Variants in PDE12 observed in about 807,000 individuals in gnomAD.
The protein encoded by PDE12 is 2',5'-phosphodiesterase 12.
In PDE12, 26 loss-of-function variants were observed where a neutral mutation model predicts 45.4. That is an observed-to-expected ratio of 0.57 (90% CI 0.42 to 0.79). The LOEUF (loss-of-function observed/expected upper bound fraction) is 0.79, where lower values mean the gene tolerates loss of function less well. PDE12 is among the 30% of genes least tolerant of loss of function. The pLI, the probability that PDE12 is intolerant of heterozygous loss-of-function variation, is 0.00. For synonymous variants in PDE12, 283 were observed against 323.9 expected (o/e 0.87, Z 1.36); for missense variants, 668 against 790.0 (o/e 0.85, Z 1.85).
chr3:57,622,943 C>G, the PDE12 span, among the ~76,000 whole-genome samples: 3 of 152,070 alleles, frequency 2.0e-5, no homozygotes, highest in African/African-American at 4.8e-5. Context: ...TTGGGGGAGA[C>G]AGGAGTGCAA....
In PDE12 at chr3:57,560,417, C is replaced by T. The variant is rs2069716182; in HGVS notation, c.*413C>T. On this transcript the variant is annotated 3_prime_UTR_variant, in exon 3 of 3. Transcript: ENST00000311180. ...CTCGGCTCACTGCAACCTCCGCCCCCTGGGTTTAAGCGATTCTCCTGCCTC... is the reference window on the plus strand; with the variant it reads ...CTCGGCTCACTGCAACCTCCGCCCCTTGGGTTTAAGCGATTCTCCTGCCTC... The T allele has an allele frequency of 1.6e-6, 1 of 608,460 alleles. No homozygotes were observed. Among genetic ancestry groups the T allele is most frequent in the Non-Finnish European group, 2.1e-6 (1 of 481,664 alleles). The allele number at this position is 608,460 out of a possible 1,614,324, so 37.7% of individuals were successfully genotyped here. A position where few individuals can be genotyped will look rare whatever the true frequency, so the allele number is the denominator to read the frequency against.
At chr3:57,600,097 C>T in the PDE12 span, 3 of 151,964 alleles carry the variant, frequency 2.0e-5, no homozygotes, top group African/African-American at 7.3e-5. Flanking sequence ...ACAGTGGCAT[C>T]ATCTCGGCTT....
At chr3:57,646,571 A>C in the PDE12 span, 1 of 1,261,868 alleles carries the variant, frequency 7.9e-7, no homozygotes, top group South Asian at 1.7e-5. Flanking sequence ...CTGATACACA[A>C]ATTCATTTAG....
rs1237037085 is a variant in PDE12 at position 57,560,974 on chromosome 3, G to C, written c.*970G>C. 1.0e-6 allele frequency: 1 copy of C among 975,258 alleles called. No homozygotes were observed. The highest frequency in any genetic ancestry group is 1.2e-6 in the Non-Finnish European group (1 of 820,506). 60.4% of individuals were successfully genotyped at this position (975,258 alleles called of 1,614,324 possible). A position where few individuals can be genotyped will look rare whatever the true frequency, so the allele number is the denominator to read the frequency against. ...CTTTCATTTTTCAATGAACAAGTAA[G>C]GTATTTTCATTCTTATTTTTAGGAT... On this transcript the variant is annotated 3_prime_UTR_variant, in exon 3 of 3. Transcript: ENST00000311180.
chr3:57,580,764 C>T, the PDE12 span, among the ~76,000 whole-genome samples: 2 of 149,528 alleles, frequency 1.3e-5, no homozygotes, highest in South Asian at 2.1e-4. Context: ...GCTAACTTCC[C>T]ATTTTTATTC....
the PDE12 span, among the ~76,000 whole-genome samples, chr3:57,642,732 C>A: frequency 1.3e-5 from 2 of 152,006 alleles, no homozygotes; most frequent in Non-Finnish European, 2.9e-5. Flanking sequence ...CGGCCAGGCG[C>A]GGTGGCTCAC....
At chr3:57,577,356 C>T in the PDE12 span, 49 of 1,613,536 alleles carry the variant, frequency 3.0e-5, no homozygotes, top group East Asian at 2.5e-4. Context: ...AATTCTTTCA[C>T]GATCGTTGCT....
At chr3:57,573,911 T>G in the PDE12 span, among the ~76,000 whole-genome samples, 1 of 151,694 alleles carries the variant, frequency 6.6e-6, no homozygotes, top group Non-Finnish European at 1.5e-5. Context: ...CAGCCTGAGA[T>G]ATCTCAAACA....
downstream of PDE12, among the ~76,000 whole-genome samples, chr3:57,567,622 CTAGTAGAAATATAT>C (rs1331363467): frequency 6.6e-6 from 1 of 152,150 alleles, no homozygotes; most frequent in Non-Finnish European, 1.5e-5. Context: ...CATGTATATA[CTAGTAGAAATATAT>C]TTTCCCTATT....
At chr3:57,639,474 C>G in the PDE12 span, among the ~76,000 whole-genome samples, 1 of 152,162 alleles carries the variant, frequency 6.6e-6, no homozygotes, top group African/African-American at 2.4e-5. Flanking sequence ...CAGTAGTCTA[C>G]TACATTATAA....
chr3:57,641,677 GAAT>G, the PDE12 span: 1 of 1,612,214 alleles, frequency 6.2e-7, no homozygotes, highest in South Asian at 1.1e-5. Context: ...TCTCCTATTC[GAAT>G]AATGTGTGGC....
chr3:57,627,662 T>C, the PDE12 span: 1 of 152,544 alleles, frequency 6.6e-6, no homozygotes, highest in Non-Finnish European at 1.5e-5. Context: ...CTCAACAGAA[T>C]ACCTTATAAA....
At chr3:57,655,135 G>A in the PDE12 span, among the ~76,000 whole-genome samples, 1 of 152,034 alleles carries the variant, frequency 6.6e-6, no homozygotes, top group East Asian at 1.9e-4. Context: ...CTGGGTTCAA[G>A]CAATTCTCCT....
the PDE12 span, among the ~76,000 whole-genome samples, chr3:57,639,541 T>C: frequency 6.6e-6 from 1 of 152,186 alleles, no homozygotes; most frequent in African/African-American, 2.4e-5. Flanking sequence ...AAATTAAGAT[T>C]TAAAAAAATT....
chr3:57,557,667 C>T lies in PDE12; in HGVS notation c.1288C>T (p.Gln430Ter), dbSNP rs1000357232. 6.2e-7 allele frequency: 1 copy of T among 1,613,818 alleles called. No individual in the cohort carries two copies. The highest frequency in any genetic ancestry group is 1.3e-5 in the African/African-American group (1 of 75,040). The stretch of plus-strand genomic sequence containing the variant: ...CCCATCAGCGCAGGAGAAGGTGCTC[C>T]AGAGATCTTCTGTTCTTCAGGTAAA... ...LYPSAQEKVL[Q>*]RSSVLQVSVL... is the part of the protein sequence containing the mutation. Residue 430 changes from glutamine to a stop codon, truncating the protein, a stop_gained, in exon 1 of 3, where the codon CAG (glutamine) becomes TAG (stop). Transcript: ENST00000311180. LOFTEE classifies it high-confidence loss of function.
chr3:57,569,829 C>CAAAAAAAAAAAAAAAAAAAAAAAAAAAA (rs11310053), downstream of PDE12, among the ~76,000 whole-genome samples: 1 of 67,880 alleles, frequency 1.5e-5, no homozygotes, highest in Non-Finnish European at 2.6e-5. Flanking sequence ...AAAACCATCT[C>CAAAAAAAAAAAAAAAAAAAAAAAAAAAA]AAAAAAAAAA....
the PDE12 span, among the ~76,000 whole-genome samples, chr3:57,618,607 G>GTTTTTTTTTTTTTTTTTTTTTTTTT: frequency 1.3e-5 from 1 of 79,390 alleles, no homozygotes; most frequent in Non-Finnish European, 2.3e-5. Flanking sequence ...TTGCTTTTGT[G>GTTTTTTTTTTTTTTTTTTTTTTTTT]TTTTTTTTTT....
At chr3:57,577,227 C>G in the PDE12 span, 1 of 1,069,224 alleles carries the variant, frequency 9.4e-7, no homozygotes, top group Non-Finnish European at 1.4e-6. Flanking sequence ...TTTGTGTAAT[C>G]TAATCATAGT....
At chr3:57,643,929 T>C in the PDE12 span, among the ~76,000 whole-genome samples, 1 of 150,872 alleles carries the variant, frequency 6.6e-6, no homozygotes, top group Non-Finnish European at 1.5e-5. Flanking sequence ...GGTGGGCAGA[T>C]CACGAGGTCA....
Sources: allele counts gnomAD v4.1 joint callset (sites outside exome capture counted in the v4.1 genomes callset), GRCh38; gene constraint gnomAD v4.1.1; transcripts MANE v1.5; gene names NCBI Gene and HGNC (gene_info 2026-07-23, HGNC 2026-07-21).